Variants in PLAGL1 observed in about 807,000 individuals in gnomAD.
The protein encoded by PLAGL1 is zinc finger protein PLAGL1.
In PLAGL1, 1 loss-of-function variant was observed where a neutral mutation model predicts 4.6. The ratio of observed to expected loss-of-function variants is 0.22; its 90% CI spans 0.08 to 1.03. The LOEUF (loss-of-function observed/expected upper bound fraction) is 1.03. PLAGL1 is among the 50% of genes least tolerant of loss of function. The pLI, the probability that PLAGL1 is intolerant of heterozygous loss-of-function variation, is 0.58. For missense variants in PLAGL1, 464 were observed against 570.4 expected, an observed-to-expected ratio of 0.81 and a Z score of 1.90; for synonymous variants, 240 against 237.8, an observed-to-expected ratio of 1.01 and a Z score of -0.08.
chr6:144,029,048 A>G (rs1368308005), intron 1 of PLAGL1, among the ~76,000 whole-genome samples: 2 of 152,168 alleles, frequency 1.3e-5, no homozygotes, highest in African/African-American at 4.8e-5. Flanking sequence ...TTATTACTAT[A>G]TGTTTTGAGG....
At chr6:144,051,473 T>C (rs963343862) in intron 1 of PLAGL1, among the ~76,000 whole-genome samples, 3 of 152,250 alleles carry the variant, frequency 2.0e-5, no homozygotes, top group Non-Finnish European at 1.5e-5. Context: ...CCTGTTTTTT[T>C]CACAAATGAT....
intron 1 of PLAGL1, among the ~76,000 whole-genome samples, chr6:143,996,652 A>G (rs1338043142): frequency 1.4e-5 from 2 of 146,336 alleles, no homozygotes; most frequent in African/African-American, 5.1e-5. Context: ...TACAGACATC[A>G]TAGCTAGAAC....
chr6:144,037,396 G>A (rs1161443970), intron 1 of PLAGL1: 2 of 144,734 alleles, frequency 1.4e-5, no homozygotes. Context: ...TGGACAACAC[G>A]GTGAAGCCCC....
chr6:143,946,788 A>G (rs116192738), intron 7 of PLAGL1, among the ~76,000 whole-genome samples: 239 of 152,308 alleles, frequency 1.6e-3, no homozygotes, highest in African/African-American at 5.2e-3. Flanking sequence ...GAAACTTCAA[A>G]GTTTATTTCA....
intron 2 of PLAGL1, among the ~76,000 whole-genome samples, chr6:143,980,405 T>C (rs1787674486): frequency 7.5e-6 from 1 of 134,084 alleles, no homozygotes. Context: ...TTTTTTTTTT[T>C]CCATTCAGTA....
upstream of PLAGL1, among the ~76,000 whole-genome samples, chr6:144,010,637 G>A (rs575954122): frequency 9.9e-5 from 15 of 152,204 alleles, no homozygotes; most frequent in South Asian, 2.1e-4. This position sits in a 1 kb window ranked among gnomAD's most constrained non-coding sequence, Gnocchi z 4.1. Flanking sequence ...AAAAGAGCCC[G>A]TATAGCCAAG....
chr6:144,039,145 T>C lies in PLAGL1; in HGVS notation c.-151+25323A>G, dbSNP rs1343489099. On this transcript the variant is annotated intron_variant, in intron 1 of 3. Transcript: ENST00000437412. The surrounding 1 kb of genome is among the most constrained non-coding windows in gnomAD (Gnocchi z 4.1). ...GCTATTCCAGAATTATAAAAAGTGA[T>C]TACAAATAAATAAGGAAGAGACAAT... is the stretch of plus-strand genomic sequence containing the variant. 6.6e-6 allele frequency among the ~76,000 whole-genome samples: 1 copy of C among 151,888 alleles called. No individual in the cohort carries two copies. The highest frequency in any genetic ancestry group is 1.5e-5 in the Non-Finnish European group (1 of 67,954).
At position 143,958,962 on chromosome 6, in the gene PLAGL1, A is replaced by T. The variant is rs1782759107; in HGVS notation, c.-325+1507T>A. Among the ~76,000 whole-genome samples the T allele has an allele frequency of 6.6e-6, 1 of 152,140 alleles. No homozygotes were observed. The highest frequency in any genetic ancestry group is 2.1e-4 in the South Asian group (1 of 4,826). The stretch of plus-strand genomic sequence containing the variant: ...TTTAGGTCCTTTGTTTGTTTAACAA[A>T]CCATTACAATCATACCCAGTTCAAT... On this transcript the variant is annotated intron_variant, in intron 6 of 7. Coordinates refer to ENST00000674357, the MANE Select transcript of PLAGL1 (RefSeq NM_001317162.2). This position sits in a 1 kb window ranked among gnomAD's most constrained non-coding sequence, Gnocchi z 5.1.
At chr6:144,003,765 T>C (rs1793507658) in intron 1 of PLAGL1, among the ~76,000 whole-genome samples, 1 of 152,032 alleles carries the variant, frequency 6.6e-6, no homozygotes. Context: ...TTTTAAAAAA[T>C]GGGCAAAATA....
At chr6:144,026,933 C>A (rs1796383043) in intron 1 of PLAGL1, among the ~76,000 whole-genome samples, 2 of 152,068 alleles carry the variant, frequency 1.3e-5, no homozygotes, top group African/African-American at 2.4e-5. Flanking sequence ...TTATTTTGGC[C>A]AGGTGCAGTG....
intron 1 of PLAGL1, among the ~76,000 whole-genome samples, chr6:143,988,229 G>T (rs1789644756): frequency 1.3e-5 from 2 of 152,172 alleles, no homozygotes; most frequent in South Asian, 4.1e-4. Context: ...CATCCTACAA[G>T]ATTAACTAAA....
rs964671942 is a variant in PLAGL1, at chr6:144,055,186, T to C, written c.-151+9282A>G. On this transcript the variant is annotated intron_variant, in intron 1 of 3. Transcript: ENST00000437412. The surrounding 1 kb of genome is among the most constrained non-coding windows in gnomAD (Gnocchi z 5.0). Reference sequence around the variant, plus strand: ...GGAGAGGCATATCCACAGATATTCATATCCACAGATATTCATGAAAACACA... The same window carrying C: ...GGAGAGGCATATCCACAGATATTCACATCCACAGATATTCATGAAAACACA... Among the ~76,000 whole-genome samples, 1 of 152,142 alleles carries C rather than the reference T, an allele frequency of 6.6e-6. No individual in the cohort carries two copies. Among genetic ancestry groups the C allele is most frequent in the Non-Finnish European group, 1.5e-5 (1 of 68,008 alleles).
At position 143,964,092 on chromosome 6, in the gene PLAGL1, C is replaced by G. The variant is rs74675543; in HGVS notation, c.-399+695G>C. On this transcript the variant is annotated intron_variant, in intron 5 of 7. Transcript: ENST00000674357. The surrounding 1 kb of genome is among the most constrained non-coding windows in gnomAD (Gnocchi z 4.3). Reference sequence around the variant, plus strand: ...TTCCATCCCCCCATGGCCAACCCCCCATCCCAGGGCCTGATAAGGAGGTAT... The same window carrying G: ...TTCCATCCCCCCATGGCCAACCCCCGATCCCAGGGCCTGATAAGGAGGTAT... Among the ~76,000 whole-genome samples the G allele has an allele frequency of 2.6e-3, 397 of 152,138 alleles. 4 individuals carry two copies. The highest frequency in any genetic ancestry group is 0.014 in the East Asian group (71 of 5,170).
rs549391818 is a variant in PLAGL1 at position 144,058,383 on chromosome 6, T to C, written c.-151+6085A>G. On this transcript the variant is annotated intron_variant, in intron 1 of 3. Coordinates refer to the PLAGL1 transcript ENST00000437412. Reference sequence around the variant, plus strand: ...TCTCACCAGGCCCCACATCCAACACTGAGGATTACATTTCAACATGAGATT... The same window carrying C: ...TCTCACCAGGCCCCACATCCAACACCGAGGATTACATTTCAACATGAGATT... 6.6e-5 allele frequency among the ~76,000 whole-genome samples: 10 copies of C among 152,290 alleles called. No homozygotes were observed. In the South Asian group the frequency reaches 2.1e-3, roughly 32 times the overall value.
Position 143,985,863 on chromosome 6 carries a change from T to C in PLAGL1, c.-583-689A>G, listed in dbSNP as rs1788901993. The stretch of plus-strand genomic sequence containing the variant: ...TTACTAACAAGAAACCTCTGAGTGC[T>C]TACCATCGGCCAAGCTACATATTAT... On this transcript the variant is annotated intron_variant, in intron 1 of 7. Coordinates refer to ENST00000674357, the MANE Select transcript of PLAGL1 (RefSeq NM_001317162.2). This position sits in a 1 kb window ranked among gnomAD's most constrained non-coding sequence, Gnocchi z 4.4. Among the ~76,000 whole-genome samples, 1 of 149,944 alleles carries C rather than the reference T, an allele frequency of 6.7e-6. No homozygotes were observed. The highest frequency in any genetic ancestry group is 6.7e-5 in the Admixed American group (1 of 14,992).
Position 143,985,974 on chromosome 6 carries a change from ATATAAAAT to A in PLAGL1, c.-583-808_-583-801del, listed in dbSNP as rs1380704018. Among the ~76,000 whole-genome samples the A allele has an allele frequency of 1.3e-5, 1 of 76,956 alleles. No individual in the cohort carries two copies. The highest frequency in any genetic ancestry group is 3.0e-5 in the Non-Finnish European group (1 of 33,122). The allele number at this position is 76,956 out of a possible 152,430, so 50.5% of individuals were successfully genotyped here. A position where few individuals can be genotyped will look rare whatever the true frequency, so the allele number is the denominator to read the frequency against. On this transcript the variant is annotated intron_variant, in intron 1 of 7. Coordinates refer to ENST00000674357, the MANE Select transcript of PLAGL1 (RefSeq NM_001317162.2). The surrounding 1 kb of genome is among the most constrained non-coding windows in gnomAD (Gnocchi z 4.4). ...TACACATATATATCAAATTATATAT[ATATAAAAT>A]TATATATATATATATATATATATAT...
In PLAGL1 at chr6:143,979,830, TA is replaced by T. The variant is rs1359188324; in HGVS notation, c.-544+5304del. On this transcript the variant is annotated intron_variant, in intron 2 of 7. Coordinates refer to ENST00000674357, the MANE Select transcript of PLAGL1 (RefSeq NM_001317162.2). This position sits in a 1 kb window ranked among gnomAD's most constrained non-coding sequence, Gnocchi z 4.6. ...TCAACTGACAATAAATGTGAGAGTT[TA>T]AAAAAAAAGATTTCCTTTAGTATTT... Among the ~76,000 whole-genome samples, 4 of 151,382 alleles carry T rather than the reference TA, an allele frequency of 2.6e-5. No homozygotes were observed. The highest frequency in any genetic ancestry group is 4.2e-4 in the South Asian group (2 of 4,796).
rs1785520156 is a variant in PLAGL1, at chr6:143,972,044, G to A, written c.-543-3066C>T. Among the ~76,000 whole-genome samples, 1 of 152,228 alleles carries A rather than the reference G, an allele frequency of 6.6e-6. No individual in the cohort carries two copies. Among genetic ancestry groups the A allele is most frequent in the Non-Finnish European group, 1.5e-5 (1 of 68,046 alleles). ...AAAAAGGGCATAATAGTTCTCTGCA[G>A]AGGAAGAATTTTAAAAAGCAATAGC... On this transcript the variant is annotated intron_variant, in intron 2 of 7. Transcript: ENST00000674357. The surrounding 1 kb of genome is among the most constrained non-coding windows in gnomAD (Gnocchi z 6.8).
chr6:144,003,195 T>G (rs1793296295), intron 1 of PLAGL1, among the ~76,000 whole-genome samples: 1 of 151,958 alleles, frequency 6.6e-6, no homozygotes, highest in African/African-American at 2.4e-5. Flanking sequence ...ATGTGTAGAG[T>G]AGATGGATGT....
Sources: allele counts gnomAD v4.1 joint callset (sites outside exome capture counted in the v4.1 genomes callset), GRCh38; gene constraint gnomAD v4.1.1; non-coding constraint Gnocchi (gnomAD v3.1); transcripts MANE v1.5; gene names NCBI Gene and HGNC (gene_info 2026-07-23, HGNC 2026-07-21).